Variants in ABCB1 observed in about 807,000 individuals in gnomAD.
The protein encoded by ABCB1 is ATP-dependent translocase ABCB1.
In ABCB1, 69 loss-of-function variants were observed where a neutral mutation model predicts 142.0. That is an observed-to-expected ratio of 0.49 (90% CI 0.40 to 0.59). The LOEUF is 0.59. Among genes scored for constraint, ABCB1 ranks in the 20% least tolerant of loss-of-function variants. The probability of loss-of-function intolerance (pLI) is 0.00; values close to 1 mark genes in which losing one functional copy is unlikely to be tolerated. For synonymous variants in ABCB1, 532 were observed against 539.2 expected, an observed-to-expected ratio of 0.99 and a Z score of 0.18; for missense variants, 1,326 against 1,554.7, an observed-to-expected ratio of 0.85 and a Z score of 2.47.
intron 1 of ABCB1, among the ~76,000 whole-genome samples, chr7:87,617,622 A>G (rs1313444616): frequency 2.0e-5 from 3 of 152,162 alleles, no homozygotes; most frequent in African/African-American, 7.2e-5. Context: ...AATCACAAAG[A>G]CTGTAGTCCT....
At chr7:87,688,957 T>G (rs1427532723) in intron 1 of ABCB1, among the ~76,000 whole-genome samples, 1 of 152,012 alleles carries the variant, frequency 6.6e-6, no homozygotes, top group Non-Finnish European at 1.5e-5. Context: ...CCAATTTAAA[T>G]ATTTACTTAT....
chr7:87,558,103 T>C (rs554161184), intron 8 of ABCB1, among the ~76,000 whole-genome samples: 1 of 152,278 alleles, frequency 6.6e-6, no homozygotes, highest in South Asian at 2.1e-4. Flanking sequence ...GGTCTGAGCA[T>C]GAATTCACAC....
chr7:87,601,756 G>C (rs1208148541), upstream of ABCB1, among the ~76,000 whole-genome samples: 2 of 152,186 alleles, frequency 1.3e-5, no homozygotes, highest in Non-Finnish European at 2.9e-5. Flanking sequence ...AAATAGGTTT[G>C]TTGTATCCTC....
chr7:87,522,939 A>C (rs1255275929), intron 21 of ABCB1, among the ~76,000 whole-genome samples: 1 of 152,144 alleles, frequency 6.6e-6, no homozygotes, highest in Non-Finnish European at 1.5e-5. Context: ...GAGTCCTTTA[A>C]TATCATAACC....
intron 1 of ABCB1, among the ~76,000 whole-genome samples, chr7:87,706,124 G>A (rs577508253): frequency 3.9e-5 from 6 of 152,250 alleles, no homozygotes; most frequent in African/African-American, 1.4e-4. Flanking sequence ...ACCAGTTTCA[G>A]AATATGCTAG....
intron 20 of ABCB1, among the ~76,000 whole-genome samples, chr7:87,533,778 A>T (rs1816163814): frequency 6.6e-6 from 1 of 152,184 alleles, no homozygotes; most frequent in Non-Finnish European, 1.5e-5. Context: ...TAGATCCAAC[A>T]GTCCTCTCTC....
intron 4 of ABCB1, among the ~76,000 whole-genome samples, chr7:87,571,360 T>C (rs1339002987): frequency 2.0e-5 from 3 of 152,138 alleles, no homozygotes; most frequent in Non-Finnish European, 4.4e-5. Context: ...TTCGACAGTT[T>C]TGAGCAAAAT....
At position 87,546,003 on chromosome 7, in the gene ABCB1, T is replaced by C. The variant is rs1200702337; in HGVS notation, c.1747A>G (p.Ile583Val). 6.2e-7 allele frequency: 1 copy of C among 1,614,134 alleles called. No individual in the cohort carries two copies. The highest frequency in any genetic ancestry group is 8.5e-7 in the Non-Finnish European group (1 of 1,180,008). Residue 583 changes from isoleucine (I) to valine (V), a missense_variant, in exon 15 of 28, where the codon ATT becomes GTT. Ile to Val is a conservative substitution (Grantham distance 29). Transcript: ENST00000622132. ...GTAGACAAACGATGAGCTATCACAA[T>C]GGTGGTCCGACCTTTTCTGGCCTAA... ...LDKARKGRTT[I>V]VIAHRLSTVR...
intron 1 of ABCB1, among the ~76,000 whole-genome samples, chr7:87,650,092 A>G (rs1365802051): frequency 6.6e-6 from 1 of 152,100 alleles, no homozygotes; most frequent in East Asian, 1.9e-4. Context: ...GTCCTATTTT[A>G]TTCTATTTTG....
chr7:87,534,936 A>C (rs1206346140), intron 20 of ABCB1, among the ~76,000 whole-genome samples: 1 of 139,990 alleles, frequency 7.1e-6, no homozygotes, highest in Admixed American at 7.5e-5. Flanking sequence ...AAAAAAAAAA[A>C]AAAACTCCAT....
chr7:87,592,411 T>A (rs1332244396), intron 3 of ABCB1, among the ~76,000 whole-genome samples: 2 of 151,924 alleles, frequency 1.3e-5, no homozygotes, highest in African/African-American at 2.4e-5. Flanking sequence ...GCTCAAGGAG[T>A]GATTATCCAT....
At chr7:87,573,122 G>A (rs1292651379) in intron 4 of ABCB1, among the ~76,000 whole-genome samples, 4 of 152,190 alleles carry the variant, frequency 2.6e-5, no homozygotes, top group African/African-American at 9.7e-5. Context: ...GGCTGGGGAG[G>A]CCTCACAATC....
At chr7:87,676,694 ACC>A (rs1826391960) in intron 1 of ABCB1, among the ~76,000 whole-genome samples, 1 of 129,680 alleles carries the variant, frequency 7.7e-6, no homozygotes, top group Non-Finnish European at 1.6e-5. Context: ...ACAGAGCAAG[ACC>A]CTGTCTCAAA....
chr7:87,671,778 G>GC lies in ABCB1; in HGVS notation c.-331+41382dup, dbSNP rs1825847250. ...CGTGCTGTGCTGGAGGTCCACTTCA[G>GC]CCCCCGGTTGCCTCAGACACTCTGA... On this transcript the variant is annotated intron_variant, in intron 1 of 28. Transcript: ENST00000265724. 6.6e-5 allele frequency among the ~76,000 whole-genome samples: 10 copies of GC among 152,304 alleles called. No homozygotes were observed. In the South Asian group the frequency reaches 2.1e-3, roughly 32 times the overall value.
At chr7:87,526,038 A>G (rs1815768360) in intron 21 of ABCB1, among the ~76,000 whole-genome samples, 1 of 151,972 alleles carries the variant, frequency 6.6e-6, no homozygotes, top group Non-Finnish European at 1.5e-5. Context: ...CTTCTTCCGC[A>G]TTGTTTGGCA....
At chr7:87,553,449 T>C (rs1419264907) in intron 9 of ABCB1, among the ~76,000 whole-genome samples, 3 of 151,366 alleles carry the variant, frequency 2.0e-5, no homozygotes, top group South Asian at 2.1e-4. Flanking sequence ...GCCTCCTGAG[T>C]AGCTGGGACT....
intron 1 of ABCB1, among the ~76,000 whole-genome samples, chr7:87,710,250 G>A (rs904414681): frequency 6.6e-6 from 1 of 152,114 alleles, no homozygotes; most frequent in Non-Finnish European, 1.5e-5. Context: ...CGGTATTGAA[G>A]TAGAGAGTTA....
At chr7:87,545,304 T>A (rs1489616950) in intron 15 of ABCB1, among the ~76,000 whole-genome samples, 1 of 152,258 alleles carries the variant, frequency 6.6e-6, no homozygotes. Flanking sequence ...TCAAGTTTAC[T>A]CTGGATCAGT....
intron 22 of ABCB1, 57 bp downstream of exon 22, chr7:87,520,719 A>T: frequency 6.7e-7 from 1 of 1,484,740 alleles, no homozygotes; most frequent in Non-Finnish European, 9.4e-7. Context: ...CTCTGAAAAC[A>T]AATATGATGA....
Sources: allele counts gnomAD v4.1 joint callset (sites outside exome capture counted in the v4.1 genomes callset), GRCh38; gene constraint gnomAD v4.1.1; transcripts MANE v1.5; gene names NCBI Gene and HGNC (gene_info 2026-07-23, HGNC 2026-07-21).